F13A1: variants seen among roughly 807,000 people sequenced by gnomAD.
The protein encoded by F13A1 is coagulation factor XIII A chain.
F13A1 carries 47 observed loss-of-function variants against 80.1 expected under a neutral mutation model. The ratio of observed to expected loss-of-function variants is 0.59; its 90% CI spans 0.46 to 0.75. F13A1 has a LOEUF of 0.75. F13A1 is among the 30% of genes least tolerant of loss of function. The probability of loss-of-function intolerance (pLI) is 0.00; values close to 1 mark genes in which losing one functional copy is unlikely to be tolerated. For missense variants in F13A1, 817 were observed against 930.4 expected (o/e 0.88, Z 1.59); for synonymous variants, 349 against 344.9 (o/e 1.01, Z -0.13).
chr6:6,264,348 T>C (rs1045671298), intron 4 of F13A1, among the ~76,000 whole-genome samples: 14 of 152,176 alleles, frequency 9.2e-5, no homozygotes, highest in Admixed American at 9.2e-4. Context: ...TCTGAACAGT[T>C]ATATGTAGCC....
At chr6:6,221,939 T>C in intron 8 of F13A1, 94 bp downstream of exon 8, 1 of 1,451,488 alleles carries the variant, frequency 6.9e-7, no homozygotes, top group Non-Finnish European at 9.5e-7. Context: ...GTCCTCAAAA[T>C]AGAACAGAAA....
intron 4 of F13A1, among the ~76,000 whole-genome samples, chr6:6,255,900 T>G (rs1316883199): frequency 6.6e-6 from 1 of 152,072 alleles, no homozygotes; most frequent in South Asian, 2.1e-4. Context: ...TTCAGATCTG[T>G]CACTTTAAAA....
intron 13 of F13A1, among the ~76,000 whole-genome samples, chr6:6,161,159 G>T (rs1253498957): frequency 6.6e-6 from 1 of 152,030 alleles, no homozygotes; most frequent in Non-Finnish European, 1.5e-5. Context: ...CTCCAAGGCG[G>T]GCCTCCCTGC....
intron 14 of F13A1, among the ~76,000 whole-genome samples, chr6:6,150,286 T>TA (rs1221440099): frequency 6.6e-6 from 1 of 152,222 alleles, no homozygotes; most frequent in African/African-American, 2.4e-5. Flanking sequence ...TGAGTGAGAC[T>TA]GTCGTTTCTG....
chr6:6,246,334 G>T (rs1010826529), intron 6 of F13A1, among the ~76,000 whole-genome samples: 1 of 152,162 alleles, frequency 6.6e-6, no homozygotes, highest in African/African-American at 2.4e-5. Context: ...ACAGATTTTG[G>T]AAAGATTCAC....
At chr6:6,246,644 A>G (rs954850418) in intron 6 of F13A1, among the ~76,000 whole-genome samples, 1 of 152,160 alleles carries the variant, frequency 6.6e-6, no homozygotes, top group Non-Finnish European at 1.5e-5. Context: ...TTGCATTAGG[A>G]GTATGTGTGC....
In F13A1 at chr6:6,163,288, G is replaced by T. The variant is rs563057287; in HGVS notation, c.1908+4170C>A. Among the ~76,000 whole-genome samples, 49 of 152,284 alleles carry T rather than the reference G, an allele frequency of 3.2e-4. 1 individual carries two copies. Among genetic ancestry groups the T allele is most frequent in the African/African-American group, 1.1e-3 (45 of 41,550 alleles). Reference sequence around the variant, plus strand: ...AATTCTGGACCTCTGAGCCATTGTGGTTTCGTACTTTTACTGCATTTAGCT... The same window carrying T: ...AATTCTGGACCTCTGAGCCATTGTGTTTTCGTACTTTTACTGCATTTAGCT... On this transcript the variant is annotated intron_variant, in intron 13 of 14. Coordinates refer to ENST00000264870, the MANE Select transcript of F13A1 (RefSeq NM_000129.4).
intron 4 of F13A1, among the ~76,000 whole-genome samples, chr6:6,257,734 C>T (rs1757721996): frequency 6.6e-6 from 1 of 152,196 alleles, no homozygotes; most frequent in African/African-American, 2.4e-5. Flanking sequence ...ACATAGTTTA[C>T]ATTCCTTACA....
rs957300894 is a variant in F13A1, at chr6:6,211,755, C to T, written c.1112+10278G>A. Among the ~76,000 whole-genome samples, 4 of 152,214 alleles carry T rather than the reference C, an allele frequency of 2.6e-5. No individual in the cohort carries two copies. In the East Asian group the frequency reaches 5.8e-4, roughly 22 times the overall value. On this transcript the variant is annotated intron_variant, in intron 8 of 14. Transcript: ENST00000264870. ...AGAAGACGGGTGATTTCTGCATTTC[C>T]ATCTGAGGTACCGGGTTCATCTCAC...
chr6:6,212,166 T>C (rs1037489697), intron 8 of F13A1, among the ~76,000 whole-genome samples: 6 of 152,216 alleles, frequency 3.9e-5, no homozygotes, highest in Admixed American at 2.0e-4. Flanking sequence ...TCGAACTGGG[T>C]GGAGCCCACC....
At chr6:6,241,823 C>A (rs891949659) in intron 6 of F13A1, among the ~76,000 whole-genome samples, 1 of 152,116 alleles carries the variant, frequency 6.6e-6, no homozygotes, top group African/African-American at 2.4e-5. Context: ...TTTGGGATGA[C>A]TCAGGTGTGA....
rs1010361754 is a variant in F13A1, at chr6:6,161,551, T to TGTGTGTGTGTGTGTGTGA, written c.1908+5906_1908+5907insTCACACACACACACACAC. Among the ~76,000 whole-genome samples the TGTGTGTGTGTGTGTGTGA allele has an allele frequency of 1.5e-3, 222 of 146,346 alleles. 1 individual carries two copies. The highest frequency in any genetic ancestry group is 5.1e-3 in the African/African-American group (202 of 39,286). On this transcript the variant is annotated intron_variant, in intron 13 of 14. Transcript: ENST00000264870. The stretch of plus-strand genomic sequence containing the variant: ...GTGTGTGTGTGTGTGTGTGTGTGTG[T>TGTGTGTGTGTGTGTGTGA]GAGAGAGAGAGAGAGAGAGAGAGAG...
At chr6:6,169,863 T>G (rs1040639279) in intron 12 of F13A1, among the ~76,000 whole-genome samples, 3 of 152,258 alleles carry the variant, frequency 2.0e-5, no homozygotes, top group African/African-American at 7.2e-5. Context: ...GCTAAAGAGC[T>G]AGCTTTGTTG....
intron 2 of F13A1, 138 bp downstream of exon 2, chr6:6,318,397 A>G (rs1051275035): frequency 1.7e-6 from 2 of 1,166,008 alleles, no homozygotes; most frequent in Admixed American, 2.5e-5. Context: ...TTCTTCCTTT[A>G]TAAAACCAGA....
chr6:6,283,538 A>G (rs1396839428), intron 3 of F13A1, among the ~76,000 whole-genome samples: 2 of 152,178 alleles, frequency 1.3e-5, no homozygotes, highest in African/African-American at 4.8e-5. Flanking sequence ...CTGGGAAAAA[A>G]CAGTTCTTTG....
chr6:6,180,758 T>G (rs1393237998), intron 11 of F13A1, among the ~76,000 whole-genome samples: 1 of 152,196 alleles, frequency 6.6e-6, no homozygotes, highest in Non-Finnish European at 1.5e-5. Context: ...TAACAAAAAT[T>G]CTGACTTTCT....
intron 3 of F13A1, 191 bp downstream of exon 3, chr6:6,305,160 G>A: frequency 1.5e-6 from 1 of 674,940 alleles, no homozygotes; most frequent in Non-Finnish European, 2.7e-6. Flanking sequence ...CCTTGGGTGG[G>A]CCCAAGTTAT....
At chr6:6,279,513 A>G (rs777267628) in intron 3 of F13A1, among the ~76,000 whole-genome samples, 3 of 152,138 alleles carry the variant, frequency 2.0e-5, no homozygotes, top group Non-Finnish European at 4.4e-5. Flanking sequence ...TGGAAGCCCA[A>G]GGGGTGGAGA....
intron 6 of F13A1, among the ~76,000 whole-genome samples, chr6:6,233,000 A>G (rs1042042637): frequency 2.6e-5 from 4 of 152,040 alleles, no homozygotes; most frequent in African/African-American, 7.2e-5. Context: ...CAGAAAAAAG[A>G]CCAAAGGAGC....
Sources: gnomAD v4.1 joint callset for allele counts (sites outside exome capture counted in the v4.1 genomes callset) on GRCh38, gnomAD v4.1.1 for gene constraint, MANE v1.5 for transcripts, NCBI Gene and HGNC (gene_info 2026-07-23, HGNC 2026-07-21) for gene names.